EYS: variants seen among roughly 807,000 people sequenced by gnomAD.
EYS encodes protein eyes shut homolog.
EYS carries 250 observed loss-of-function variants against 282.1 expected under a neutral mutation model. The ratio of observed to expected loss-of-function variants is 0.89; its 90% CI spans 0.80 to 0.98. The LOEUF (loss-of-function observed/expected upper bound fraction) is 0.98, where lower values mean the gene tolerates loss of function less well. EYS is among the 50% of genes least tolerant of loss of function. The pLI is 0.00. For missense variants in EYS, 4,016 were observed against 3,709.0 expected, an observed-to-expected ratio of 1.08 and a Z score of -2.15; for synonymous variants, 1,355 against 1,282.9, an observed-to-expected ratio of 1.06 and a Z score of -1.20.
intron 2 of EYS, among the ~76,000 whole-genome samples, chr6:65,572,496 G>T (rs1460663143): frequency 1.3e-5 from 2 of 152,070 alleles, no homozygotes; most frequent in Non-Finnish European, 2.9e-5. Flanking sequence ...AAAAATCGAT[G>T]TGGGGAAGGA....
chr6:65,237,016 T>C (rs1766944465), intron 12 of EYS, among the ~76,000 whole-genome samples: 1 of 152,238 alleles, frequency 6.6e-6, no homozygotes, highest in South Asian at 2.1e-4. Flanking sequence ...ATTTTGTTTA[T>C]GCTCTTTTTC....
At position 65,697,831 on chromosome 6, in the gene EYS, TAAA is replaced by T. The variant is rs1282004439; in HGVS notation, c.-448+9301_-448+9303del. On this transcript the variant is annotated intron_variant, in intron 1 of 42. Transcript: ENST00000503581. ...GCCTGTCAGTATGCCCATTGCCTAA[TAAA>T]TTGTATCCCTAGTCACAGTTTATAA... Among the ~76,000 whole-genome samples, 3 of 152,158 alleles carry T rather than the reference TAAA, an allele frequency of 2.0e-5. No homozygotes were observed. In the East Asian group the frequency reaches 5.8e-4, roughly 29 times the overall value.
At chr6:65,316,428 T>C (rs950042918) in intron 11 of EYS, among the ~76,000 whole-genome samples, 6 of 148,526 alleles carry the variant, frequency 4.0e-5, no homozygotes, top group African/African-American at 1.5e-4. Context: ...CCAGAATGGA[T>C]TTTCATGTGT....
chr6:64,275,779 C>A (rs1286212597), intron 30 of EYS, among the ~76,000 whole-genome samples: 6 of 146,390 alleles, frequency 4.1e-5, no homozygotes, highest in East Asian at 2.0e-4. Flanking sequence ...CACGGTGAAA[C>A]CCTGTGTCTA....
intron 26 of EYS, among the ~76,000 whole-genome samples, chr6:64,530,419 GT>G (rs1288827973): frequency 6.6e-6 from 1 of 151,788 alleles, no homozygotes; most frequent in Non-Finnish European, 1.5e-5. Flanking sequence ...CAGGACATGT[GT>G]TCCTAGAGTT....
chr6:64,134,382 C>CA (rs141431431), intron 31 of EYS, among the ~76,000 whole-genome samples: 4,733 of 145,480 alleles, frequency 0.033, 78 homozygotes, highest in Non-Finnish European at 0.05. Flanking sequence ...ATGTTTTTAG[C>CA]AAAAAAAAAA....
intron 19 of EYS, among the ~76,000 whole-genome samples, chr6:64,823,249 C>T (rs1271367515): frequency 1.3e-5 from 2 of 151,316 alleles, no homozygotes; most frequent in Non-Finnish European, 2.9e-5. Flanking sequence ...TAATGGGCTC[C>T]CTGAGATTTC....
intron 37 of EYS, among the ~76,000 whole-genome samples, chr6:63,800,446 T>C (rs954936626): frequency 1.3e-5 from 2 of 152,194 alleles, no homozygotes; most frequent in African/African-American, 2.4e-5. Flanking sequence ...GATATCCAGA[T>C]AGTTTTTAAA....
chr6:65,465,506 A>C (rs545835041), intron 5 of EYS, among the ~76,000 whole-genome samples: 8 of 152,052 alleles, frequency 5.3e-5, no homozygotes, highest in African/African-American at 9.7e-5. Flanking sequence ...CACCAACCAA[A>C]CAAACAAAAA....
chr6:64,320,787 T>C (rs1442031685), intron 29 of EYS, among the ~76,000 whole-genome samples: 2 of 151,908 alleles, frequency 1.3e-5, no homozygotes, highest in African/African-American at 4.8e-5. Context: ...TATTTTGTAT[T>C]CTTCCAGATT....
At chr6:64,048,304 G>A (rs1440979429) in intron 33 of EYS, among the ~76,000 whole-genome samples, 3 of 152,162 alleles carry the variant, frequency 2.0e-5, no homozygotes, top group Admixed American at 1.3e-4. Flanking sequence ...TGTGGTTTCT[G>A]AATGTGGTTC....
At chr6:64,151,538 T>C (rs928529383) in intron 31 of EYS, among the ~76,000 whole-genome samples, 1 of 151,082 alleles carries the variant, frequency 6.6e-6, no homozygotes, top group Non-Finnish European at 1.5e-5. Flanking sequence ...ATTTTTGTAT[T>C]TTTAGTAGAG....
intron 28 of EYS, among the ~76,000 whole-genome samples, chr6:64,404,825 A>T (rs957963912): frequency 1.3e-5 from 2 of 152,052 alleles, no homozygotes; most frequent in African/African-American, 4.8e-5. Context: ...AACAGTATAT[A>T]CAAAAGTTCT....
At chr6:64,803,882 A>G (rs1032851688) in intron 22 of EYS, among the ~76,000 whole-genome samples, 1 of 152,126 alleles carries the variant, frequency 6.6e-6, no homozygotes, top group Non-Finnish European at 1.5e-5. Flanking sequence ...CACTTCCAAG[A>G]CTGTGGGGCC....
At chr6:63,767,230 C>A (rs974908317) in intron 40 of EYS, among the ~76,000 whole-genome samples, 3 of 151,932 alleles carry the variant, frequency 2.0e-5, no homozygotes, top group African/African-American at 4.8e-5. Flanking sequence ...AGTGCTAGCC[C>A]AAGCAATCAG....
chr6:65,224,489 T>C (rs1406448875), intron 12 of EYS, among the ~76,000 whole-genome samples: 1 of 152,056 alleles, frequency 6.6e-6, no homozygotes, highest in Non-Finnish European at 1.5e-5. Context: ...AACCTAATGT[T>C]ACACCTTAAG....
chr6:65,025,384 A>T (rs755861538), intron 13 of EYS, among the ~76,000 whole-genome samples: 3 of 152,244 alleles, frequency 2.0e-5, no homozygotes, highest in Non-Finnish European at 2.9e-5. Flanking sequence ...GATTTTAAAC[A>T]AATGGATTTT....
chr6:65,058,054 C>A (rs924954316), intron 12 of EYS, among the ~76,000 whole-genome samples: 1 of 151,906 alleles, frequency 6.6e-6, no homozygotes, highest in Non-Finnish European at 1.5e-5. Flanking sequence ...AAATGCAGAT[C>A]AAATGTTAGG....
intron 22 of EYS, among the ~76,000 whole-genome samples, chr6:64,747,379 T>C (rs191331466): frequency 1.2e-3 from 177 of 152,248 alleles, no homozygotes; most frequent in Non-Finnish European, 1.9e-3. Context: ...ATCTTTTTGG[T>C]TTGTTTTTGT....
Sources: allele counts gnomAD v4.1 joint callset (sites outside exome capture counted in the v4.1 genomes callset), GRCh38; gene constraint gnomAD v4.1.1; transcripts MANE v1.5; gene names NCBI Gene and HGNC (gene_info 2026-07-23, HGNC 2026-07-21).